GPR39: variants seen among roughly 807,000 people sequenced by gnomAD.
The protein encoded by GPR39 is zinc sensing receptor.
A neutral mutation model predicts 18.4 loss-of-function variants in GPR39; 23 were observed. The observed-to-expected ratio is 1.25, with a 90% confidence interval of 0.90 to 1.77. GPR39 has a LOEUF of 1.77. Among genes scored for constraint, GPR39 ranks in the 40% most tolerant of loss-of-function variants. The pLI, the probability that GPR39 is intolerant of heterozygous loss-of-function variation, is 0.00. For missense variants in GPR39, 647 were observed against 602.4 expected (o/e 1.07, Z -0.78); for synonymous variants, 280 against 257.9 (o/e 1.09, Z -0.82).
intron 1 of GPR39, among the ~76,000 whole-genome samples, chr2:132,596,079 C>T (rs1304744824): frequency 1.3e-5 from 2 of 152,142 alleles, no homozygotes; most frequent in African/African-American, 4.8e-5. Flanking sequence ...CACCCCAGCA[C>T]AGTGCAGGGA....
chr2:132,520,987 T>C (rs914303086), intron 1 of GPR39, among the ~76,000 whole-genome samples: 2 of 152,066 alleles, frequency 1.3e-5, no homozygotes, highest in African/African-American at 4.8e-5. Context: ...AGATTGGGGG[T>C]TATTTCTTTC....
chr2:132,424,413 T>A (rs1041256179), intron 1 of GPR39, among the ~76,000 whole-genome samples: 1 of 152,168 alleles, frequency 6.6e-6, no homozygotes, highest in African/African-American at 2.4e-5. Context: ...GCCACACTTA[T>A]CACCCCAGGG....
chr2:132,443,294 A>T (rs1342632937), intron 1 of GPR39, among the ~76,000 whole-genome samples: 1 of 152,220 alleles, frequency 6.6e-6, no homozygotes, highest in Admixed American at 6.5e-5. Context: ...TGCGTAACTC[A>T]TCCAATATTA....
At chr2:132,610,790 A>AG (rs1681224971) in intron 1 of GPR39, among the ~76,000 whole-genome samples, 1 of 151,518 alleles carries the variant, frequency 6.6e-6, no homozygotes, top group Non-Finnish European at 1.5e-5. Context: ...AAAAAAAAAA[A>AG]AAAAAAAAGA....
At chr2:132,571,428 A>G (rs1433167199) in intron 1 of GPR39, among the ~76,000 whole-genome samples, 3 of 152,142 alleles carry the variant, frequency 2.0e-5, no homozygotes, top group Non-Finnish European at 4.4e-5. Flanking sequence ...CTCTTGTGCA[A>G]TTTGTGAGAC....
intron 1 of GPR39, among the ~76,000 whole-genome samples, chr2:132,502,660 T>C (rs1368357060): frequency 6.6e-6 from 1 of 152,216 alleles, no homozygotes; most frequent in African/African-American, 2.4e-5. Flanking sequence ...CCCTCAAATA[T>C]GTTTTCCGAA....
intron 1 of GPR39, among the ~76,000 whole-genome samples, chr2:132,636,879 G>A (rs990566628): frequency 5.9e-5 from 9 of 152,088 alleles, no homozygotes; most frequent in South Asian, 2.1e-4. Flanking sequence ...CAGCTTCCCC[G>A]GTGGGCTTGG....
intron 1 of GPR39, among the ~76,000 whole-genome samples, chr2:132,597,787 T>G (rs937915498): frequency 2.0e-5 from 3 of 152,174 alleles, no homozygotes; most frequent in South Asian, 4.1e-4. Context: ...TGATGAAAAT[T>G]TACCAGGTTC....
In GPR39 at chr2:132,417,818, G is replaced by C. The variant is rs764294224; in HGVS notation, c.776G>C (p.Gly259Ala). 9.9e-6 allele frequency: 16 copies of C among 1,613,772 alleles called. No individual in the cohort carries two copies. Among genetic ancestry groups the C allele is most frequent in the African/African-American group, 1.3e-5 (1 of 74,938 alleles). The change falls in exon 1 of 2, where the codon GGG (glycine) becomes GCG (alanine). Residue 259 changes from glycine to alanine, a missense_variant. This residue lies in a region of GPR39 where 581 missense variants were observed against 506.8 expected (regional missense o/e 1.15). Transcript: ENST00000329321. ...LMKSQKGSLA[G>A]GTRPPQLRKS... ...AAAAGCCAGAAGGGCTCGCTGGCCG[G>C]GGGCACGCGGCCTCCGCAGCTGAGG... is the stretch of plus-strand genomic sequence containing the variant.
At chr2:132,566,645 A>G (rs1415446895) in intron 1 of GPR39, among the ~76,000 whole-genome samples, 1 of 152,160 alleles carries the variant, frequency 6.6e-6, no homozygotes, top group African/African-American at 2.4e-5. Context: ...GCAAGAGAAA[A>G]AACTCAGTAT....
rs1282595513 is a variant in GPR39, at chr2:132,417,368, A to G, written c.326A>G (p.Lys109Arg). The change falls in exon 1 of 2, where the codon AAG becomes AGG. Residue 109 changes from lysine (K) to arginine (R), a missense_variant. By Grantham distance (26) the Lys-to-Arg change is conservative. This residue lies in a region of GPR39 where 581 missense variants were observed against 506.8 expected (regional missense o/e 1.15). Transcript: ENST00000329321. The part of the protein sequence containing the change: ...LTTSSYTLSC[K>R]LHTFLFEACS... ...ACGTCCAGCTACACCCTGTCCTGCA[A>G]GCTGCACACTTTCCTCTTCGAGGCC... 6.2e-7 allele frequency: 1 copy of G among 1,614,034 alleles called. No individual in the cohort carries two copies. The highest frequency in any genetic ancestry group is 1.3e-5 in the African/African-American group (1 of 74,918).
rs144120926 is a variant in GPR39, at chr2:132,624,450, A to G, written c.857-20651A>G. On this transcript the variant is annotated intron_variant, in intron 1 of 1. Transcript: ENST00000329321. ...ATTATCAATGCTGGAATAATTCGAA[A>G]GAAATATTTTTGAACTTTTTATTAA... is the stretch of plus-strand genomic sequence containing the variant. Among the ~76,000 whole-genome samples, 150 of 152,372 alleles carry G rather than the reference A, an allele frequency of 9.8e-4. 3 individuals are homozygous for G. Among genetic ancestry groups the G allele is most frequent in the African/African-American group, 3.4e-3 (142 of 41,578 alleles).
chr2:132,599,146 G>A (rs1680998498), intron 1 of GPR39, among the ~76,000 whole-genome samples: 1 of 152,072 alleles, frequency 6.6e-6, no homozygotes, highest in Admixed American at 6.6e-5. Flanking sequence ...TGGAGGAAGC[G>A]GCTCCTGCTG....
intron 1 of GPR39, among the ~76,000 whole-genome samples, chr2:132,614,276 G>A (rs113761491): frequency 2.0e-4 from 31 of 151,890 alleles, no homozygotes; most frequent in Middle Eastern, 3.4e-3. Flanking sequence ...GCGCAATCTC[G>A]GCTCACTGCA....
chr2:132,504,976 G>C (rs1158752384), intron 1 of GPR39, among the ~76,000 whole-genome samples: 1 of 152,212 alleles, frequency 6.6e-6, no homozygotes, highest in Admixed American at 6.5e-5. Context: ...GTGGAAATCT[G>C]TCCAGCTGCT....
At chr2:132,424,319 G>A (rs558684407) in intron 1 of GPR39, among the ~76,000 whole-genome samples, 2 of 152,238 alleles carry the variant, frequency 1.3e-5, no homozygotes, top group African/African-American at 4.8e-5. Flanking sequence ...ATACAGTGGG[G>A]GTGACATTTT....
intron 1 of GPR39, among the ~76,000 whole-genome samples, chr2:132,526,269 T>A (rs745617423): frequency 1.3e-4 from 20 of 152,174 alleles, no homozygotes; most frequent in Non-Finnish European, 2.4e-4. Flanking sequence ...AATTTTGAAT[T>A]CCTACAGATA....
chr2:132,549,819 A>T (rs538009551), intron 1 of GPR39, among the ~76,000 whole-genome samples: 6 of 152,280 alleles, frequency 3.9e-5, no homozygotes, highest in African/African-American at 1.2e-4. Context: ...ACTTTCTAAG[A>T]TACACTCCCT....
At chr2:132,559,508 G>A (rs1242321127) in intron 1 of GPR39, among the ~76,000 whole-genome samples, 1 of 152,056 alleles carries the variant, frequency 6.6e-6, no homozygotes, top group Non-Finnish European at 1.5e-5. Context: ...CTGACTTCAC[G>A]TGTCAGTGCT....
Sources: allele counts gnomAD v4.1 joint callset (sites outside exome capture counted in the v4.1 genomes callset), GRCh38; gene constraint gnomAD v4.1.1; regional missense constraint gnomAD v4.1.1; transcripts MANE v1.5; gene names NCBI Gene and HGNC (gene_info 2026-07-23, HGNC 2026-07-21).